Variants in ATAD2B observed in about 807,000 individuals in gnomAD.
ATAD2B encodes ATPase family AAA domain-containing protein 2B.
A neutral mutation model predicts 167.6 loss-of-function variants in ATAD2B; 40 were observed. The ratio of observed to expected loss-of-function variants is 0.24; its 90% confidence interval spans 0.19 to 0.31. The LOEUF (loss-of-function observed/expected upper bound fraction) is 0.31, where lower values mean the gene tolerates loss of function less well. ATAD2B is among the 10% of genes least tolerant of loss of function. The probability of loss-of-function intolerance (pLI) is 1.00; values close to 1 mark genes in which losing one functional copy is unlikely to be tolerated. For missense variants in ATAD2B, 1,242 were observed against 1,757.2 expected (o/e 0.71, Z 5.24); for synonymous variants, 579 against 596.5 (o/e 0.97, Z 0.43).
At chr2:23,697,284 GTTCT>G in the ATAD2B span, 1 of 152,244 alleles carries the variant, frequency 6.6e-6, no homozygotes, top group Non-Finnish European at 1.5e-5. Flanking sequence ...CAGGGAGACT[GTTCT>G]TTCTTACAGA....
At chr2:23,872,411 G>T in intron 8 of ATAD2B, 1 of 710,826 alleles carries the variant, frequency 1.4e-6, no homozygotes, top group South Asian at 1.4e-5. Flanking sequence ...TCTTCAGAGA[G>T]ACCATCCAAA....
At chr2:23,809,337 T>C (rs1685174776) in intron 18 of ATAD2B, among the ~76,000 whole-genome samples, 2 of 152,134 alleles carry the variant, frequency 1.3e-5, no homozygotes, top group South Asian at 4.1e-4. Context: ...AGTGATGAAG[T>C]GCTGGTAGGG....
chr2:23,697,986 A>G, the ATAD2B span: 2 of 152,234 alleles, frequency 1.3e-5, no homozygotes, highest in Admixed American at 1.3e-4. Flanking sequence ...CTCCTAAGAC[A>G]CTGATTACTC....
intron 8 of ATAD2B, among the ~76,000 whole-genome samples, chr2:23,869,967 T>C (rs1340465768): frequency 6.6e-6 from 1 of 152,038 alleles, no homozygotes; most frequent in Non-Finnish European, 1.5e-5. Flanking sequence ...CCCAGCACTT[T>C]GGGCAGTCAA....
intron 17 of ATAD2B, among the ~76,000 whole-genome samples, chr2:23,817,147 T>C (rs1686571993): frequency 6.6e-6 from 1 of 152,196 alleles, no homozygotes; most frequent in Non-Finnish European, 1.5e-5. Context: ...GTGTGAAATA[T>C]ATGGCTTAAC....
chr2:23,737,614 A>T, the ATAD2B span, among the ~76,000 whole-genome samples: 1 of 152,188 alleles, frequency 6.6e-6, no homozygotes, highest in Admixed American at 6.5e-5. Context: ...AGAGCAGGAA[A>T]ACTGGAAACT....
At chr2:23,797,904 G>C (rs1264350068) in intron 19 of ATAD2B, among the ~76,000 whole-genome samples, 1 of 152,052 alleles carries the variant, frequency 6.6e-6, no homozygotes, top group Non-Finnish European at 1.5e-5. Context: ...TTCAGGTTTT[G>C]TTCTAAGCAT....
At chr2:23,744,089 A>G (rs1311859564), downstream of ATAD2B, among the ~76,000 whole-genome samples, 2 of 152,232 alleles carry the variant, frequency 1.3e-5, no homozygotes, top group Non-Finnish European at 2.9e-5. Context: ...GACCAAAATT[A>G]TAAACAACTG....
At chr2:23,873,882 T>C (rs1301536873) in intron 8 of ATAD2B, among the ~76,000 whole-genome samples, 1 of 152,130 alleles carries the variant, frequency 6.6e-6, no homozygotes, top group Non-Finnish European at 1.5e-5. Flanking sequence ...AGTAAATAAC[T>C]GAAAAGCCAA....
the ATAD2B span, among the ~76,000 whole-genome samples, chr2:23,706,211 T>C: frequency 6.6e-6 from 1 of 152,210 alleles, no homozygotes; most frequent in African/African-American, 2.4e-5. Flanking sequence ...ATCTTTCGTC[T>C]CCTAGCCATG....
chr2:23,701,793 C>CTTTTTTTTTTTTTTTTT, the ATAD2B span, among the ~76,000 whole-genome samples: 2 of 22,544 alleles, frequency 8.9e-5, no homozygotes, highest in Non-Finnish European at 9.9e-5. Context: ...CTTTTTTTTG[C>CTTTTTTTTTTTTTTTTT]TTTTTTTTTT....
intron 18 of ATAD2B, among the ~76,000 whole-genome samples, chr2:23,804,570 C>T (rs1684033091): frequency 6.8e-6 from 1 of 148,062 alleles, no homozygotes; most frequent in Admixed American, 6.8e-5. Context: ...CCCACCAAAA[C>T]AAAAAAGTAG....
At chr2:23,885,127 G>T (rs1353419793) in intron 5 of ATAD2B, among the ~76,000 whole-genome samples, 1 of 152,144 alleles carries the variant, frequency 6.6e-6, no homozygotes, top group Non-Finnish European at 1.5e-5. Context: ...TTACAGCCTA[G>T]TAGGAGGGAA....
At chr2:23,921,027 AAGCCC>A (rs1703837473) in intron 1 of ATAD2B, among the ~76,000 whole-genome samples, 1 of 152,016 alleles carries the variant, frequency 6.6e-6, no homozygotes, top group Non-Finnish European at 1.5e-5. Flanking sequence ...CAACATGATG[AAGCCC>A]TGTCTCTACT....
At chr2:23,902,361 TAAGTA>T (rs1700948717) in intron 1 of ATAD2B, among the ~76,000 whole-genome samples, 1 of 152,188 alleles carries the variant, frequency 6.6e-6, no homozygotes, top group South Asian at 2.1e-4. Flanking sequence ...TCTAGGGATT[TAAGTA>T]AAGTAAGCAA....
the ATAD2B span, chr2:23,695,567 C>T: frequency 3.2e-5 from 40 of 1,244,598 alleles, no homozygotes; most frequent in Admixed American, 9.4e-5. This position sits in a 1 kb window ranked among gnomAD's most constrained non-coding sequence, Gnocchi z 7.6. Flanking sequence ...TCTTTCCGTC[C>T]GGGAGGTGGC....
At chr2:23,716,141 C>G in the ATAD2B span, among the ~76,000 whole-genome samples, 2 of 152,218 alleles carry the variant, frequency 1.3e-5, no homozygotes, top group Non-Finnish European at 2.9e-5. Context: ...TTTAGAAAGA[C>G]TATTATCTCA....
At chr2:23,703,203 A>G in the ATAD2B span, 2 of 1,460,800 alleles carry the variant, frequency 1.4e-6, no homozygotes, top group Non-Finnish European at 1.8e-6. Context: ...ACCATCACCA[A>G]CCAATGGGAG....
At chr2:23,815,544 A>C (rs1686310918) in intron 17 of ATAD2B, among the ~76,000 whole-genome samples, 1 of 152,230 alleles carries the variant, frequency 6.6e-6, no homozygotes, top group Non-Finnish European at 1.5e-5. Flanking sequence ...CTGAAGCTCA[A>C]GAGCAATCTA....
Sources: allele counts gnomAD v4.1 joint callset (sites outside exome capture counted in the v4.1 genomes callset), GRCh38; gene constraint gnomAD v4.1.1; non-coding constraint Gnocchi (gnomAD v3.1); transcripts MANE v1.5; gene names NCBI Gene and HGNC (gene_info 2026-07-23, HGNC 2026-07-21).